Variants in PEAK1 observed in about 807,000 individuals in gnomAD.
PEAK1 encodes the protein pseudopodium enriched atypical kinase 1.
PEAK1 carries 54 observed loss-of-function variants against 124.7 expected under a neutral mutation model. That is an observed-to-expected ratio of 0.43 (90% CI 0.35 to 0.54). The LOEUF is 0.54. PEAK1 is among the 20% of genes least tolerant of loss of function. The probability of loss-of-function intolerance (pLI) is 0.01; values close to 1 mark genes in which losing one functional copy is unlikely to be tolerated. For synonymous variants in PEAK1, 719 were observed against 760.0 expected (o/e 0.95, Z 0.89); for missense variants, 2,046 against 2,134.5 (o/e 0.96, Z 0.82).
At chr15:77,333,304 ATTATTTGT>A in intron 2 of PEAK1, 8 of 970,420 alleles carry the variant, frequency 8.2e-6, no homozygotes, top group Non-Finnish European at 9.8e-6. Context: ...TTTGTGTGTT[ATTATTTGT>A]TTAATTTTGC....
At chr15:77,295,608 C>A (rs1464130972) in intron 2 of PEAK1, among the ~76,000 whole-genome samples, 1 of 152,152 alleles carries the variant, frequency 6.6e-6, no homozygotes, top group Non-Finnish European at 1.5e-5. Context: ...CATCTTAATG[C>A]AAAACACTAC....
chr15:77,377,891 T>A (rs1317933689), intron 1 of PEAK1, among the ~76,000 whole-genome samples: 1 of 152,154 alleles, frequency 6.6e-6, no homozygotes. Flanking sequence ...ATCTACTGTA[T>A]CACCTGCTGA....
At position 77,114,821 on chromosome 15, in the gene PEAK1, G is replaced by A. The variant is rs748865789; in HGVS notation, c.4576C>T (p.His1526Tyr). The change falls in exon 10 of 10, where the codon CAC becomes TAC. Residue 1526 changes from histidine (H) to tyrosine (Y), a missense_variant. Physicochemically the swap from His to Tyr is moderately conservative, Grantham distance 83. Coordinates refer to ENST00000682557, the MANE Select transcript of PEAK1 (RefSeq NM_001385026.1). ...DLRLENLLLVHYQPGGTAQGF... is the reference protein window; with the variant it reads ...DLRLENLLLVYYQPGGTAQGF... ...TGGGCAGTCCCCCCAGGCTGGTAGT[G>A]GACAAGTAGCAGGTTCTCTAGGCGT... The A allele has an allele frequency of 6.2e-7, 1 of 1,613,518 alleles. No individual in the cohort carries two copies. Among genetic ancestry groups the A allele is most frequent in the South Asian group, 1.1e-5 (1 of 91,072 alleles).
At chr15:77,217,936 A>G (rs1346189927) in intron 6 of PEAK1, among the ~76,000 whole-genome samples, 1 of 152,224 alleles carries the variant, frequency 6.6e-6, no homozygotes, top group Non-Finnish European at 1.5e-5. Flanking sequence ...TTGCAAATAT[A>G]TAGAAATGAA....
intron 5 of PEAK1, among the ~76,000 whole-genome samples, chr15:77,279,095 TCGTGTGTGCGTGTG>T (rs975897122): frequency 5.8e-5 from 7 of 119,660 alleles, no homozygotes; most frequent in Non-Finnish European, 9.8e-5. Context: ...CCCAAGGTGC[TCGTGTGTGCGTGTG>T]TGTGTGTGTG....
chr15:77,408,445 C>T (rs1246977681), intron 1 of PEAK1, among the ~76,000 whole-genome samples: 1 of 151,702 alleles, frequency 6.6e-6, no homozygotes, highest in South Asian at 2.1e-4. Context: ...CACTGCTTGG[C>T]GATGGGTGCA....
chr15:77,334,823 C>G (rs1484966676), intron 2 of PEAK1: 1 of 985,178 alleles, frequency 1.0e-6, no homozygotes, highest in East Asian at 1.1e-4. Context: ...ATTTGCTATT[C>G]ACTGCATCCA....
chr15:77,388,131 C>A (rs1311809016), intron 1 of PEAK1, among the ~76,000 whole-genome samples: 1 of 152,034 alleles, frequency 6.6e-6, no homozygotes, highest in African/African-American at 2.4e-5. Flanking sequence ...GAGGTAAAAG[C>A]TGCAGTAAGT....
intron 2 of PEAK1, among the ~76,000 whole-genome samples, chr15:77,345,373 C>T (rs1303492838): frequency 1.3e-5 from 2 of 152,078 alleles, no homozygotes; most frequent in African/African-American, 4.8e-5. Flanking sequence ...AAACTAATAC[C>T]CCCATTTTGC....
intron 2 of PEAK1, among the ~76,000 whole-genome samples, chr15:77,340,486 A>C (rs34197100): frequency 0.077 from 11,720 of 152,260 alleles, 561 homozygotes; most frequent in Non-Finnish European, 0.1. Flanking sequence ...GAATGAATGG[A>C]GCACAGATGA....
intron 7 of PEAK1, among the ~76,000 whole-genome samples, chr15:77,170,410 G>C (rs1017538583): frequency 2.0e-5 from 3 of 152,144 alleles, no homozygotes; most frequent in African/African-American, 7.2e-5. Flanking sequence ...AAGGAAGCCA[G>C]AATAACTAGA....
intron 7 of PEAK1, among the ~76,000 whole-genome samples, chr15:77,174,903 G>A (rs1439698465): frequency 6.6e-6 from 1 of 151,874 alleles, no homozygotes; most frequent in Non-Finnish European, 1.5e-5. Context: ...CCAAAACAGA[G>A]ATATAGATCA....
chr15:77,330,168 C>G (rs950639783), intron 2 of PEAK1, among the ~76,000 whole-genome samples: 6 of 152,062 alleles, frequency 3.9e-5, no homozygotes, highest in African/African-American at 1.2e-4. Flanking sequence ...ACACAAATCA[C>G]TAGCAATACT....
intron 6 of PEAK1, among the ~76,000 whole-genome samples, chr15:77,206,025 G>A (rs2058633148): frequency 8.2e-6 from 1 of 122,300 alleles, no homozygotes; most frequent in Non-Finnish European, 1.7e-5. Context: ...CCCTTCCTGT[G>A]TCCATGTGAT....
chr15:77,292,400 T>C (rs916043768), intron 2 of PEAK1, among the ~76,000 whole-genome samples: 4 of 152,080 alleles, frequency 2.6e-5, no homozygotes, highest in Non-Finnish European at 5.9e-5. Context: ...ATTTCTTGCA[T>C]AGATATATCA....
chr15:77,356,353 G>GA (rs966737992), intron 2 of PEAK1, among the ~76,000 whole-genome samples: 14 of 151,424 alleles, frequency 9.2e-5, no homozygotes, highest in East Asian at 1.9e-4. Flanking sequence ...TTAAAAGTCT[G>GA]AAAAAAAACA....
At position 77,178,794 on chromosome 15, in the gene PEAK1, G is replaced by C; in HGVS notation, c.3133C>G (p.Leu1045Val). 2 of 1,611,904 alleles carry C rather than the reference G, an allele frequency of 1.2e-6. No individual in the cohort carries two copies. The highest frequency in any genetic ancestry group is 1.7e-6 in the Non-Finnish European group (2 of 1,178,866). ...SSPSQIPKKI[L>V]SHMTHEVTED... ...CTTCCAGTCTATTTTACATACCTGA[G>C]AATCTTTTTAGGAATCTGTGATGGA... Residue 1045 changes from leucine (L) to valine (V), a missense_variant, in exon 7 of 10, where the codon CTC (leucine) becomes GTC (valine). Leu to Val is a conservative substitution (Grantham distance 32). Transcript: ENST00000682557.
rs567879634 is a variant in PEAK1 at position 77,218,575 on chromosome 15, C to CT, written c.-115+33791dup. ...GAACGTTGGTCTTTAATTCTCTTTTCTTTTTTTTTTTAAAGAGATGGGGTC... is the reference window on the plus strand; with the variant it reads ...GAACGTTGGTCTTTAATTCTCTTTTCTTTTTTTTTTTTAAAGAGATGGGGTC... On this transcript the variant is annotated intron_variant, in intron 6 of 9. Transcript: ENST00000682557. 8.3e-3 allele frequency among the ~76,000 whole-genome samples: 1,190 copies of CT among 143,596 alleles called. 17 individuals carry two copies. The highest frequency in any genetic ancestry group is 0.028 in the African/African-American group (1,090 of 39,368). The allele number at this position is 143,596 out of a possible 152,430, so 94.2% of individuals were successfully genotyped here.
At chr15:77,405,075 G>A (rs1206421980) in intron 1 of PEAK1, among the ~76,000 whole-genome samples, 1 of 150,670 alleles carries the variant, frequency 6.6e-6, no homozygotes, top group African/African-American at 2.4e-5. Context: ...GTGCAATCTT[G>A]GCTCACTGCA....
Sources: gnomAD v4.1 joint callset for allele counts (sites outside exome capture counted in the v4.1 genomes callset) on GRCh38, gnomAD v4.1.1 for gene constraint, MANE v1.5 for transcripts, NCBI Gene and HGNC (gene_info 2026-07-23, HGNC 2026-07-21) for gene names.